TET1: variants seen among roughly 807,000 people sequenced by gnomAD.
TET1 encodes tet methylcytosine dioxygenase 1, also known as methylcytosine dioxygenase TET1.
Under a neutral mutation model 148.7 loss-of-function variants are expected in TET1, and 13 were observed. The observed-to-expected ratio is 0.09, with a 90% CI of 0.06 to 0.14. The LOEUF (loss-of-function observed/expected upper bound fraction) is 0.14, where lower values mean the gene tolerates loss of function less well. Ranked by LOEUF, TET1 falls within the 10% of genes least tolerant of loss-of-function variation. The probability of loss-of-function intolerance (pLI) is 1.00; values close to 1 mark genes in which losing one functional copy is unlikely to be tolerated. For missense variants in TET1, 2,182 were observed against 2,553.8 expected (o/e 0.85, Z 3.14); for synonymous variants, 907 against 937.2 (o/e 0.97, Z 0.59).
intron 7 of TET1, among the ~76,000 whole-genome samples, chr10:68,672,513 A>AAAAAAAAAAAAAAAAAAAAAACC (rs2055289063): frequency 9.3e-6 from 1 of 107,940 alleles, no homozygotes; most frequent in African/African-American, 3.5e-5. Context: ...AAAAAAAAAC[A>AAAAAAAAAAAAAAAAAAAAAACC]CCAAAAAAAA....
intron 3 of TET1, chr10:68,632,346 C>T: frequency 3.2e-6 from 5 of 1,573,980 alleles, no homozygotes; most frequent in Non-Finnish European, 4.4e-6. Flanking sequence ...GGGTGCAGGG[C>T]GGGTGGAGTC....
intron 2 of TET1, among the ~76,000 whole-genome samples, chr10:68,596,694 A>T (rs914270696): frequency 6.6e-6 from 1 of 152,210 alleles, no homozygotes; most frequent in Non-Finnish European, 1.5e-5. Context: ...TGCTGTGTTC[A>T]AACAAGTATA....
intron 2 of TET1, among the ~76,000 whole-genome samples, chr10:68,595,977 C>CAT (rs1434473215): frequency 1.7e-3 from 100 of 59,080 alleles, no homozygotes; most frequent in Non-Finnish European, 2.3e-3. Context: ...CACACACACA[C>CAT]ATATATACAC....
chr10:68,572,282 C>G lies in TET1; in HGVS notation c.-57C>G. ...AGATTCTCCTCAGAAGTGAGACTTT[C>G]CAAAGGACCAATGACTCTGTTTCCT... On this transcript the variant is annotated 5_prime_UTR_variant, in exon 2 of 12. Coordinates refer to ENST00000373644, the MANE Select transcript of TET1 (RefSeq NM_030625.3). The G allele has an allele frequency of 6.9e-7, 1 of 1,445,860 alleles. No individual in the cohort carries two copies. The highest frequency in any genetic ancestry group is 9.3e-7 in the Non-Finnish European group (1 of 1,077,626). The allele number at this position is 1,445,860 out of a possible 1,614,324, so 89.6% of individuals were successfully genotyped here. A position where few individuals can be genotyped will look rare whatever the true frequency, so the allele number is the denominator to read the frequency against.
intron 1 of TET1, among the ~76,000 whole-genome samples, chr10:68,570,452 C>G (rs540051961): frequency 6.6e-6 from 1 of 152,022 alleles, no homozygotes; most frequent in South Asian, 2.1e-4. Flanking sequence ...CCCTCCTTCT[C>G]TAGTAGTCCC....
chr10:68,649,589 C>G (rs1977824), intron 4 of TET1, among the ~76,000 whole-genome samples: 138,601 of 146,674 alleles, frequency 0.94, 65,514 homozygotes, highest in East Asian at 0.98. Flanking sequence ...CTGGATGACA[C>G]AGCGAGACTC....
At chr10:68,688,323 C>G (rs911419862) in intron 11 of TET1, among the ~76,000 whole-genome samples, 1 of 151,850 alleles carries the variant, frequency 6.6e-6, no homozygotes, top group Non-Finnish European at 1.5e-5. Flanking sequence ...GTCTCAAACT[C>G]CTGACCTCAA....
At chr10:68,611,613 C>T (rs2054211389) in intron 3 of TET1, among the ~76,000 whole-genome samples, 1 of 152,126 alleles carries the variant, frequency 6.6e-6, no homozygotes, top group Admixed American at 6.6e-5. Context: ...AATCATGCTA[C>T]TGCACTCCAG....
chr10:68,596,432 C>T (rs1224174334), intron 2 of TET1, among the ~76,000 whole-genome samples: 1 of 151,960 alleles, frequency 6.6e-6, no homozygotes, highest in African/African-American at 2.4e-5. Flanking sequence ...CTTCTTTGGG[C>T]CTCTGAATTA....
chr10:68,612,816 G>C (rs2664424), intron 3 of TET1, among the ~76,000 whole-genome samples: 132,003 of 151,976 alleles, frequency 0.87, 57,492 homozygotes, highest in Admixed American at 0.91. Flanking sequence ...CGGGTTTACA[G>C]CATGTTGCCC....
At chr10:68,597,469 C>T (rs2054002214) in intron 2 of TET1, among the ~76,000 whole-genome samples, 2 of 152,152 alleles carry the variant, frequency 1.3e-5, no homozygotes, top group South Asian at 4.1e-4. Context: ...TAATGTGTAA[C>T]TGAAATGCAA....
At chr10:68,610,743 G>A (rs528715176) in intron 3 of TET1, among the ~76,000 whole-genome samples, 4 of 152,044 alleles carry the variant, frequency 2.6e-5, no homozygotes, top group African/African-American at 9.6e-5. Context: ...CTGCAGCCTT[G>A]ACCTCCTGGA....
chr10:68,645,970 T>A lies in TET1; in HGVS notation c.3241T>A (p.Leu1081Met). ...TQIEEDVATQ[L>M]TQLASIIKIN... ...AATTGAGGAAGATGTTGCAACACAG[T>A]TGACACAACTTGCTTCGATAATTAA... is the stretch of plus-strand genomic sequence containing the variant. Residue 1081 changes from leucine (L) to methionine (M), a missense_variant, in exon 4 of 12, where the codon TTG becomes ATG. By Grantham distance (15) the Leu-to-Met change is conservative. Transcript: ENST00000373644. The A allele has an allele frequency of 6.2e-7, 1 of 1,613,966 alleles. No homozygotes were observed. Among genetic ancestry groups the A allele is most frequent in the South Asian group, 1.1e-5 (1 of 91,044 alleles).
intron 3 of TET1, among the ~76,000 whole-genome samples, chr10:68,634,734 A>G (rs2054625131): frequency 6.6e-6 from 1 of 152,174 alleles, no homozygotes; most frequent in Admixed American, 6.5e-5. Flanking sequence ...TTCTCAGTAC[A>G]TAATAATAGG....
chr10:68,672,857 G>C (rs751521181), intron 7 of TET1, 38 bp from the exon 8 acceptor site: 4 of 1,572,210 alleles, frequency 2.5e-6, no homozygotes, highest in African/African-American at 1.3e-5. Flanking sequence ...GTATTGTAAT[G>C]CTTCATCAAT....
At chr10:68,562,237 A>G (rs997256154) in intron 1 of TET1, among the ~76,000 whole-genome samples, 1 of 152,170 alleles carries the variant, frequency 6.6e-6, no homozygotes, top group African/African-American at 2.4e-5. Context: ...AATAAAAGCA[A>G]TGGTTTAATT....
At chr10:68,670,704 CTTTAA>C (rs1180011373) in intron 7 of TET1, among the ~76,000 whole-genome samples, 2 of 152,070 alleles carry the variant, frequency 1.3e-5, no homozygotes, top group Admixed American at 6.6e-5. Flanking sequence ...TGTTTGGCAA[CTTTAA>C]TTTATTCTAT....
At chr10:68,598,347 C>T (rs1418242993) in intron 2 of TET1, among the ~76,000 whole-genome samples, 3 of 152,078 alleles carry the variant, frequency 2.0e-5, no homozygotes, top group Non-Finnish European at 4.4e-5. Flanking sequence ...GCTGAGATCG[C>T]ACCATTGCAT....
At chr10:68,654,974 A>T (rs1037940323) in intron 6 of TET1, among the ~76,000 whole-genome samples, 1 of 152,156 alleles carries the variant, frequency 6.6e-6, no homozygotes, top group South Asian at 2.1e-4. Context: ...ATGTTTTCAT[A>T]ACACAGCAGC....
Sources: gnomAD v4.1 joint callset for allele counts (sites outside exome capture counted in the v4.1 genomes callset) on GRCh38, gnomAD v4.1.1 for gene constraint, MANE v1.5 for transcripts, NCBI Gene and HGNC (gene_info 2026-07-23, HGNC 2026-07-21) for gene names.